The following CCDC136 variants were observed in gnomAD, a reference collection of about 807,000 sequenced individuals.
The protein encoded by CCDC136 is coiled-coil domain-containing protein 136.
In CCDC136, 100 loss-of-function variants were observed where a neutral mutation model predicts 141.2. The ratio of observed to expected loss-of-function variants is 0.71; its 90% CI spans 0.60 to 0.84. The LOEUF is 0.84. CCDC136 is among the 40% of genes least tolerant of loss of function. The pLI is 0.00. For synonymous variants in CCDC136, 474 were observed against 531.9 expected (o/e 0.89, Z 1.50); for missense variants, 1,206 against 1,379.4 (o/e 0.87, Z 1.99).
At position 128,804,766 on chromosome 7, in the gene CCDC136, A is replaced by G. The variant is rs2291573; in HGVS notation, c.782+5A>G. On this transcript the variant is annotated splice_donor_5th_base_variant and intron_variant, in intron 5 of 17. Coordinates refer to ENST00000297788, the MANE Select transcript of CCDC136 (RefSeq NM_022742.5). ...TGCAGATCTGGAGAGTGAGAGGTACAGCTGTCTCTGGAGAGTGAGAGGTCA... is the reference window on the plus strand; with the variant it reads ...TGCAGATCTGGAGAGTGAGAGGTACGGCTGTCTCTGGAGAGTGAGAGGTCA... The G allele has an allele frequency of 0.14, 220,511 of 1,561,216 alleles. 16,236 individuals are homozygous for G. Among genetic ancestry groups the G allele is most frequent in the African/African-American group, 0.2 (14,785 of 73,874 alleles).
At position 128,821,903 on chromosome 7, in the gene CCDC136, G is replaced by A; in HGVS notation, c.*110G>A. On this transcript the variant is annotated 3_prime_UTR_variant, in exon 18 of 18. Coordinates refer to ENST00000297788, the MANE Select transcript of CCDC136 (RefSeq NM_022742.5). This position sits in a 1 kb window ranked among gnomAD's most constrained non-coding sequence, Gnocchi z 5.1. ...AGCAGGAGTCAGAGTTCTGCCTCAT[G>A]GAGTGATGGCAGACCTTGGCCAGCG... is the stretch of plus-strand genomic sequence containing the variant. 7.8e-7 allele frequency: 1 copy of A among 1,289,972 alleles called. No homozygotes were observed. Among genetic ancestry groups the A allele is most frequent in the Non-Finnish European group, 1.0e-6 (1 of 988,912 alleles). The allele number at this position is 1,289,972 out of a possible 1,614,324, so 79.9% of individuals were successfully genotyped here.
Position 128,807,524 on chromosome 7 carries a change from C to G in CCDC136, c.1584C>G (p.Asp528Glu), listed in dbSNP as rs1805058573. 1.4e-6 allele frequency: 2 copies of G among 1,472,246 alleles called. No individual in the cohort carries two copies. The highest frequency in any genetic ancestry group is 1.8e-6 in the Non-Finnish European group (2 of 1,104,028). 91.2% of individuals were successfully genotyped at this position (1,472,246 alleles called of 1,614,324 possible). A position where few individuals can be genotyped will look rare whatever the true frequency, so the allele number is the denominator to read the frequency against. The part of the protein sequence containing the change: ...ELKASHPIPE[D>E]KGKCANKCDT... ...AGGCCTCCCACCCCATTCCGGAGGA[C>G]AAAGGAAAGTGTGCTAATAAGGTAA... Residue 528 changes from aspartate (D) to glutamate (E), a missense_variant, in exon 10 of 18, where the codon GAC (aspartate) becomes GAG (glutamate). Physicochemically the swap from Asp to Glu is conservative, Grantham distance 45 (BLOSUM62 2). Coordinates refer to ENST00000297788, the MANE Select transcript of CCDC136 (RefSeq NM_022742.5).
At position 128,817,205 on chromosome 7, in the gene CCDC136, G is replaced by A. The variant is rs565836250; in HGVS notation, c.3364-553G>A. ...ATGTGTATTACCACCTTGCAAAATC[G>A]GTTTCTCTCTGGAAGATTGTTGCAG... On this transcript the variant is annotated intron_variant, in intron 16 of 17. Transcript: ENST00000297788. This position sits in a 1 kb window ranked among gnomAD's most constrained non-coding sequence, Gnocchi z 4.6. Among the ~76,000 whole-genome samples, 3 of 152,258 alleles carry A rather than the reference G, an allele frequency of 2.0e-5. No individual in the cohort carries two copies. Among genetic ancestry groups the A allele is most frequent in the East Asian group, 1.9e-4 (1 of 5,190 alleles).
chr7:128,804,155 G>A (rs1804475571), intron 4 of CCDC136, among the ~76,000 whole-genome samples: 1 of 152,112 alleles, frequency 6.6e-6, no homozygotes, highest in South Asian at 2.1e-4. Context: ...ATTTGGTGTG[G>A]GAATAAAGAA....
intron 1 of CCDC136, among the ~76,000 whole-genome samples, chr7:128,792,994 C>A (rs1416573141): frequency 2.6e-5 from 4 of 152,232 alleles, no homozygotes; most frequent in Non-Finnish European, 4.4e-5. Flanking sequence ...CCTGGAAGGA[C>A]GCTGGTCCAT....
intron 10 of CCDC136, among the ~76,000 whole-genome samples, chr7:128,808,146 C>T (rs1463913359): frequency 6.6e-6 from 1 of 152,212 alleles, no homozygotes; most frequent in Non-Finnish European, 1.5e-5. Flanking sequence ...AAGCAATTCT[C>T]CTATCTCAGC....
chr7:128,816,062 T>G, intron 16 of CCDC136, 131 bp downstream of exon 16: 1 of 822,956 alleles, frequency 1.2e-6, no homozygotes, highest in Non-Finnish European at 1.9e-6. Context: ...GGCACAACCC[T>G]TCGGGGAGGT....
rs1312566346 is a variant in CCDC136 at position 128,809,059 on chromosome 7, A to G, written c.1606-391A>G. The G allele has an allele frequency of 5.2e-6, 4 of 764,868 alleles. No homozygotes were observed. In the East Asian group the frequency reaches 3.7e-4, roughly 71 times the overall value. 47.4% of individuals were successfully genotyped at this position (764,868 alleles called of 1,614,324 possible). On this transcript the variant is annotated intron_variant, in intron 10 of 17. Coordinates refer to ENST00000297788, the MANE Select transcript of CCDC136 (RefSeq NM_022742.5). ...AGGAGTGTAGTTGCATTAAAAAACA[A>G]CTGGGGTTAATGAGAATAACAGGAG...
chr7:128,800,621 C>G (rs961656674), intron 3 of CCDC136, among the ~76,000 whole-genome samples: 3 of 152,246 alleles, frequency 2.0e-5, no homozygotes, highest in Non-Finnish European at 2.9e-5. Context: ...AATCCCTTAT[C>G]GACTGACACT....
chr7:128,817,492 G>C lies in CCDC136; in HGVS notation c.3364-266G>C, dbSNP rs1023999709. Among the ~76,000 whole-genome samples the C allele has an allele frequency of 2.4e-4, 36 of 152,072 alleles. No individual in the cohort carries two copies. The highest frequency in any genetic ancestry group is 8.7e-4 in the African/African-American group (36 of 41,406). On this transcript the variant is annotated intron_variant, in intron 16 of 17. Coordinates refer to ENST00000297788, the MANE Select transcript of CCDC136 (RefSeq NM_022742.5). This position sits in a 1 kb window ranked among gnomAD's most constrained non-coding sequence, Gnocchi z 4.6. ...TGAGAGGTATGTGACGAGACAGAAAGAAAACTGGACTCACCGCCTGACTTG... is the reference window on the plus strand; with the variant it reads ...TGAGAGGTATGTGACGAGACAGAAACAAAACTGGACTCACCGCCTGACTTG...
intron 3 of CCDC136, among the ~76,000 whole-genome samples, chr7:128,796,739 A>ATATATATATATTT: frequency 6.2e-5 from 7 of 113,368 alleles, no homozygotes; most frequent in African/African-American, 2.3e-4. Flanking sequence ...ATATATATAT[A>ATATATATATATTT]TTCTTTTTTT....
chr7:128,812,113 C>G lies in CCDC136; in HGVS notation c.2342C>G (p.Thr781Ser). The stretch of plus-strand genomic sequence containing the variant: ...TACAAGAGTTACACCAGCACCCAGA[C>G]CAGCAGCAAGAGCTTTCTCAAGAGC... ...SYYKSYTSTQ[T>S]SSKSFLKSYD... Residue 781 changes from threonine (T) to serine (S), a missense_variant, in exon 13 of 18, where the codon ACC becomes AGC. Physicochemically the swap from Thr to Ser is moderately conservative, Grantham distance 58 (BLOSUM62 1). Coordinates refer to ENST00000297788, the MANE Select transcript of CCDC136 (RefSeq NM_022742.5). 6.2e-7 allele frequency: 1 copy of G among 1,614,022 alleles called. No individual in the cohort carries two copies. Among genetic ancestry groups the G allele is most frequent in the Non-Finnish European group, 8.5e-7 (1 of 1,179,862 alleles).
At chr7:128,791,847 C>G (rs1296023691), upstream of CCDC136, 2 of 384,200 alleles carry the variant, frequency 5.2e-6, no homozygotes, top group Non-Finnish European at 4.5e-6. This position sits in a 1 kb window ranked among gnomAD's most constrained non-coding sequence, Gnocchi z 7.1. Context: ...CCTGCAGCCC[C>G]GGAGACTCCT....
rs1182184284 is a variant in CCDC136 at position 128,797,528 on chromosome 7, A to G, written c.346+2760A>G. The stretch of plus-strand genomic sequence containing the variant: ...TGTCATGCCCTGTAAGCCAGAGCAG[A>G]AAGTGCTTCAAGGAGACAGTGATCC... On this transcript the variant is annotated intron_variant, in intron 3 of 17. Transcript: ENST00000297788. Among the ~76,000 whole-genome samples the G allele has an allele frequency of 3.3e-5, 5 of 152,208 alleles. No homozygotes were observed. The East Asian group carries it at 9.6e-4, about 29-fold the overall frequency.
chr7:128,814,924 G>A lies in CCDC136; in HGVS notation c.3045+5G>A, dbSNP rs1360220721. On this transcript the variant is annotated splice_donor_5th_base_variant and intron_variant, in intron 15 of 17. Coordinates refer to ENST00000297788, the MANE Select transcript of CCDC136 (RefSeq NM_022742.5). ...AGCGACCTTGAGACCAGAAAGGTGA[G>A]TAGTAACCTTGGTAGCCAGATAAGC... 1.5e-5 allele frequency: 24 copies of A among 1,570,564 alleles called. No individual in the cohort carries two copies. The highest frequency in any genetic ancestry group is 1.9e-5 in the Non-Finnish European group (22 of 1,155,734).
At position 128,796,686 on chromosome 7, in the gene CCDC136, G is replaced by A. The variant is rs563507317; in HGVS notation, c.346+1918G>A. ...ATAGTCCAGTCAAGAGATGATGGTC[G>A]CTTGAGTTAGGGCTGTAGAAATGGA... On this transcript the variant is annotated intron_variant, in intron 3 of 17. Coordinates refer to ENST00000297788, the MANE Select transcript of CCDC136 (RefSeq NM_022742.5). Among the ~76,000 whole-genome samples the A allele has an allele frequency of 1.1e-3, 168 of 149,478 alleles. 1 individual carries two copies. The highest frequency in any genetic ancestry group is 6.8e-3 in the Middle Eastern group (2 of 294).
rs1802248924 is a variant in CCDC136 at position 128,792,031 on chromosome 7, C to G, written c.-381C>G. 6.4e-6 allele frequency: 8 copies of G among 1,250,624 alleles called. No homozygotes were observed. Among genetic ancestry groups the G allele is most frequent in the Admixed American group, 8.1e-5 (2 of 24,678 alleles). The allele number at this position is 1,250,624 out of a possible 1,614,324, so 77.5% of individuals were successfully genotyped here. A position where few individuals can be genotyped will look rare whatever the true frequency, so the allele number is the denominator to read the frequency against. On this transcript the variant is annotated 5_prime_UTR_variant, in exon 1 of 18. Coordinates refer to ENST00000297788, the MANE Select transcript of CCDC136 (RefSeq NM_022742.5). ...TCACTGGCTCCCGCCCTCTTTCAGT[C>G]TTGGCCCTCTCCTCCCTGTCCCCCC...
intron 17 of CCDC136, among the ~76,000 whole-genome samples, chr7:128,818,598 C>A (rs974866757): frequency 2.0e-5 from 3 of 152,192 alleles, no homozygotes; most frequent in Non-Finnish European, 4.4e-5. Context: ...GCTTCCCCAG[C>A]TAGGTTTTCT....
intron 9 of CCDC136, 97 bp downstream of exon 9, chr7:128,806,955 G>C: frequency 1.5e-6 from 2 of 1,322,414 alleles, no homozygotes; most frequent in Non-Finnish European, 2.0e-6. Flanking sequence ...GAGTGTGGAG[G>C]AGCTGGCAGT....
Sources: gnomAD v4.1 joint callset for allele counts (sites outside exome capture counted in the v4.1 genomes callset) on GRCh38, gnomAD v4.1.1 for gene constraint, Gnocchi (gnomAD v3.1) non-coding constraint, MANE v1.5 for transcripts, NCBI Gene and HGNC (gene_info 2026-07-23, HGNC 2026-07-21) for gene names.